GAK: variants seen among roughly 807,000 people sequenced by gnomAD.
GAK encodes cyclin-G-associated kinase.
GAK carries 79 observed loss-of-function variants against 143.9 expected under a neutral mutation model. The ratio of observed to expected loss-of-function variants is 0.55; its 90% CI spans 0.46 to 0.66. The LOEUF (loss-of-function observed/expected upper bound fraction) is 0.66, where lower values mean the gene tolerates loss of function less well. Ranked by LOEUF, GAK falls within the 30% of genes least tolerant of loss-of-function variation. GAK has a pLI of 0.00. For missense variants in GAK, 1,693 were observed against 1,779.7 expected, an observed-to-expected ratio of 0.95 and a Z score of 0.88; for synonymous variants, 881 against 765.5, an observed-to-expected ratio of 1.15 and a Z score of -2.49.
In GAK at chr4:866,707, G is replaced by A. The variant is rs556963666; in HGVS notation, c.2873-173C>T. Among the ~76,000 whole-genome samples, 3 of 152,292 alleles carry A rather than the reference G, an allele frequency of 2.0e-5. No individual in the cohort carries two copies. In the East Asian group the frequency reaches 5.8e-4, roughly 29 times the overall value. On this transcript the variant is annotated intron_variant, in intron 21 of 27. Coordinates refer to ENST00000314167, the MANE Select transcript of GAK (RefSeq NM_005255.4). The stretch of plus-strand genomic sequence containing the variant: ...AGCCCAGGGGCTCCCCGTGCCCCAC[G>A]CCTCAGGATGACTTTCCCAGGGACA...
intron 7 of GAK, among the ~76,000 whole-genome samples, chr4:895,828 G>C (rs995470512): frequency 6.6e-6 from 1 of 152,188 alleles, no homozygotes; most frequent in Non-Finnish European, 1.5e-5. Context: ...AGCAAGGCTG[G>C]GGTGTGGCAG....
At chr4:861,529 T>A (rs1750273186) in intron 23 of GAK, among the ~76,000 whole-genome samples, 1 of 152,100 alleles carries the variant, frequency 6.6e-6, no homozygotes, top group Admixed American at 6.6e-5. Flanking sequence ...AGGTTGAGGC[T>A]GCAGTGAGCC....
chr4:899,195 C>T (rs745687027), intron 5 of GAK, among the ~76,000 whole-genome samples: 2 of 152,234 alleles, frequency 1.3e-5, no homozygotes, highest in Non-Finnish European at 2.9e-5. Flanking sequence ...GAAGCCTCAG[C>T]CCCAACATTT....
intron 24 of GAK, 25 bp from the exon 25 acceptor site, chr4:851,999 C>T (rs888435249): frequency 8.2e-6 from 13 of 1,592,798 alleles, no homozygotes; most frequent in African/African-American, 8.0e-5. Flanking sequence ...ATCGGAAACT[C>T]GGCATCTGGT....
chr4:903,431 C>T (rs956484050), intron 5 of GAK, among the ~76,000 whole-genome samples: 8 of 152,316 alleles, frequency 5.3e-5, no homozygotes, highest in South Asian at 2.1e-4. Context: ...CCGACCCCAG[C>T]GCCTGAGACA....
At chr4:889,206 G>A (rs1282723721) in intron 10 of GAK, among the ~76,000 whole-genome samples, 3 of 152,188 alleles carry the variant, frequency 2.0e-5, no homozygotes, top group Non-Finnish European at 4.4e-5. Context: ...AGCACTGGCA[G>A]GTCTACCCTG....
At chr4:876,509 G>A (rs759430787) in intron 18 of GAK, 21 bp downstream of exon 18, 4 of 1,609,646 alleles carry the variant, frequency 2.5e-6, no homozygotes, top group South Asian at 1.1e-5. Context: ...TCCCCACCGA[G>A]CACAAGCGGT....
intron 5 of GAK, among the ~76,000 whole-genome samples, chr4:901,533 C>T (rs1006436403): frequency 2.6e-5 from 4 of 152,230 alleles, no homozygotes; most frequent in Non-Finnish European, 5.9e-5. Flanking sequence ...AGCTGATGCA[C>T]GGGGTGCAGG....
At chr4:855,733 T>A (rs1466048222) in intron 24 of GAK, among the ~76,000 whole-genome samples, 1 of 151,926 alleles carries the variant, frequency 6.6e-6, no homozygotes, top group Non-Finnish European at 1.5e-5. Flanking sequence ...CTTTGGGAGG[T>A]CACTTGAGAT....
At chr4:913,695 C>A in intron 1 of GAK, 27 bp from the exon 2 acceptor site, 1 of 1,566,350 alleles carries the variant, frequency 6.4e-7, no homozygotes, top group South Asian at 1.1e-5. Flanking sequence ...CTTGTCAGTT[C>A]AATGCTATGA....
intron 24 of GAK, 45 bp from the exon 25 acceptor site, chr4:852,019 G>T: frequency 6.8e-7 from 1 of 1,469,426 alleles, no homozygotes; most frequent in Non-Finnish European, 9.5e-7. Context: ...TTGTCCATGA[G>T]GGGCAACTAC....
Position 850,777 on chromosome 4 carries a change from G to A in GAK, c.3657+159C>T. ...GCTGCCAGGCCCATCGGCAGTGACA[G>A]GTCCCTGTCTGGAGACGCCGGCTCC... On this transcript the variant is annotated intron_variant, in intron 26 of 27. Transcript: ENST00000314167. 6.7e-6 allele frequency: 5 copies of A among 745,552 alleles called. No individual in the cohort carries two copies. The East Asian group carries it at 1.2e-4, about 18-fold the overall frequency. 46.2% of individuals were successfully genotyped at this position (745,552 alleles called of 1,614,324 possible). A position where few individuals can be genotyped will look rare whatever the true frequency, so the allele number is the denominator to read the frequency against.
intron 11 of GAK, 85 bp downstream of exon 11, chr4:888,744 GGCCTGATGACCAGCTGTT>G: frequency 7.0e-7 from 1 of 1,431,474 alleles, no homozygotes. Flanking sequence ...GCCCCTGTGG[GGCCTGATGACCAGCTGTT>G]CCACCGCAGC....
Position 856,390 on chromosome 4 carries a change from CCTGCTCACCACCACAG to C in GAK, c.3283+3200_3283+3215del, listed in dbSNP as rs1452733839. Among the ~76,000 whole-genome samples the C allele has an allele frequency of 1.6e-3, 128 of 77,918 alleles. 6 individuals carry two copies. The highest frequency in any genetic ancestry group is 0.018 in the Middle Eastern group (2 of 110). 51.1% of individuals were successfully genotyped at this position (77,918 alleles called of 152,430 possible). On this transcript the variant is annotated intron_variant, in intron 24 of 27. Transcript: ENST00000314167. ...CAGCTGCTCACCACAGCTGCTCACACCTGCTCACCACCACAGCTGCTCACCACAGCTGCTCACACCT... is the reference window on the plus strand; with the variant it reads ...CAGCTGCTCACCACAGCTGCTCACACCTGCTCACCACAGCTGCTCACACCT...
At chr4:898,261 A>G (rs1459577181) in intron 5 of GAK, 103 bp from the exon 6 acceptor site, 1 of 1,385,016 alleles carries the variant, frequency 7.2e-7, no homozygotes, top group East Asian at 2.4e-5. Context: ...CTTCGCAGAC[A>G]GCACTCGCCC....
At chr4:900,760 T>C (rs915445738) in intron 5 of GAK, among the ~76,000 whole-genome samples, 7 of 152,050 alleles carry the variant, frequency 4.6e-5, no homozygotes, top group African/African-American at 1.7e-4. Context: ...AAAGCAACCC[T>C]GTGTGCTGGG....
chr4:870,233 G>A (rs530158399), intron 19 of GAK, among the ~76,000 whole-genome samples: 1 of 152,242 alleles, frequency 6.6e-6, no homozygotes, highest in African/African-American at 2.4e-5. Flanking sequence ...AACAAGCGTG[G>A]CATGAGCAGT....
intron 9 of GAK, among the ~76,000 whole-genome samples, chr4:892,704 G>A (rs749635777): frequency 2.0e-5 from 3 of 151,974 alleles, no homozygotes; most frequent in Non-Finnish European, 2.9e-5. Flanking sequence ...AAACACAGAC[G>A]CAGAGCAACT....
intron 5 of GAK, among the ~76,000 whole-genome samples, chr4:898,811 C>A (rs554798406): frequency 2.6e-5 from 4 of 152,012 alleles, no homozygotes; most frequent in Non-Finnish European, 4.4e-5. Context: ...TGCAGTGAAC[C>A]GAGATTGCGC....
Sources: allele counts gnomAD v4.1 joint callset (sites outside exome capture counted in the v4.1 genomes callset), GRCh38; gene constraint gnomAD v4.1.1; transcripts MANE v1.5; gene names NCBI Gene and HGNC (gene_info 2026-07-23, HGNC 2026-07-21).